Variants in ATP11A observed in about 807,000 individuals in gnomAD.
ATP11A encodes the protein phospholipid-transporting ATPase IH.
In ATP11A, 81 loss-of-function variants were observed where a neutral mutation model predicts 154.4. That is an observed-to-expected ratio of 0.52 (90% CI 0.44 to 0.63). ATP11A has a LOEUF of 0.63. ATP11A is among the 30% of genes least tolerant of loss of function. ATP11A has a pLI of 0.00. For synonymous variants in ATP11A, 623 were observed against 585.9 expected (o/e 1.06, Z -0.91); for missense variants, 1,316 against 1,474.3 (o/e 0.89, Z 1.76).
intron 6 of ATP11A, among the ~76,000 whole-genome samples, chr13:112,816,467 A>G (rs1264093603): frequency 6.6e-6 from 1 of 152,222 alleles, no homozygotes; most frequent in African/African-American, 2.4e-5. Flanking sequence ...ATATTTTTAT[A>G]GTGAAATTGT....
At chr13:112,848,269 C>A (rs7337058) in intron 17 of ATP11A, among the ~76,000 whole-genome samples, 45,739 of 152,000 alleles carry the variant, frequency 0.3, 7,121 homozygotes, top group East Asian at 0.37. Flanking sequence ...TATTTTTCAG[C>A]CTTGAGTCTT....
chr13:112,832,985 C>T lies in ATP11A; in HGVS notation c.1521C>T (p.Ser507=). 6.2e-7 allele frequency: 1 copy of T among 1,613,644 alleles called. No individual in the cohort carries two copies. Among genetic ancestry groups the T allele is most frequent in the South Asian group, 1.1e-5 (1 of 91,050 alleles). Residue 507 remains serine (S), a synonymous_variant, in exon 14 of 30, where the codon TCC becomes TCT. Transcript: ENST00000375645. Reference sequence around the variant, plus strand: ...GGAAATCCTGTGTGTACATCTCATCCTCGCCCGACGAGGTGGCGCTGGTCG... The same window carrying T: ...GGAAATCCTGTGTGTACATCTCATCTTCGCCCGACGAGGTGGCGCTGGTCG... The part of the protein sequence containing the change: ...DGGKSCVYIS[S]SPDEVALVEG...
chr13:112,692,618 A>G (rs1594299270), intron 1 of ATP11A, among the ~76,000 whole-genome samples: 1 of 152,136 alleles, frequency 6.6e-6, no homozygotes, highest in East Asian at 2.0e-4. Context: ...TCCAGCATAT[A>G]CATTATTGGA....
chr13:112,883,436 C>A lies in ATP11A; in HGVS notation c.*1570C>A, dbSNP rs1280159734. On this transcript the variant is annotated 3_prime_UTR_variant, in exon 30 of 30. Coordinates refer to ENST00000375645, the MANE Select transcript of ATP11A (RefSeq NM_015205.3). ...TGGAGGAGGAGCCGGCCCTCACGCCCGCCCCGCGCCACGCTGTGGAACGGG... is the reference window on the plus strand; with the variant it reads ...TGGAGGAGGAGCCGGCCCTCACGCCAGCCCCGCGCCACGCTGTGGAACGGG... The A allele has an allele frequency of 8.0e-6, 3 of 377,330 alleles. No homozygotes were observed. In the Middle Eastern group the frequency reaches 2.0e-3, roughly 246 times the overall value. The allele number at this position is 377,330 out of a possible 1,614,324, so 23.4% of individuals were successfully genotyped here.
At chr13:112,829,169 C>T (rs2079025663) in intron 12 of ATP11A, among the ~76,000 whole-genome samples, 1 of 152,186 alleles carries the variant, frequency 6.6e-6, no homozygotes, top group Non-Finnish European at 1.5e-5. Flanking sequence ...TGCTTCAGGC[C>T]AAGTTAGCAG....
chr13:112,815,740 G>A (rs9604457), intron 5 of ATP11A, among the ~76,000 whole-genome samples: 4,576 of 152,258 alleles, frequency 0.03, 207 homozygotes, highest in African/African-American at 0.1. Context: ...CGATTACCTG[G>A]TTCATAAAAC....
intron 2 of ATP11A, among the ~76,000 whole-genome samples, chr13:112,797,444 A>T (rs1041447732): frequency 2.0e-5 from 3 of 152,170 alleles, no homozygotes; most frequent in African/African-American, 7.2e-5. Context: ...AAAGCAGAAT[A>T]AATTTTTTAA....
chr13:112,878,446 C>T (rs184241587), intron 29 of ATP11A, 143 bp downstream of exon 29: 13 of 767,006 alleles, frequency 1.7e-5, no homozygotes, highest in East Asian at 1.6e-4. Flanking sequence ...CGGGAAGTCC[C>T]GCCACCACTT....
intron 1 of ATP11A, among the ~76,000 whole-genome samples, chr13:112,710,293 C>T (rs1306096549): frequency 6.6e-6 from 1 of 152,224 alleles, no homozygotes; most frequent in Non-Finnish European, 1.5e-5. Flanking sequence ...AAAGCCAGCT[C>T]ATGCCTCCTA....
rs1413604070 is a variant in ATP11A, at chr13:112,863,209, G to A, written c.2991+634G>A. On this transcript the variant is annotated intron_variant, in intron 25 of 29. Coordinates refer to ENST00000375645, the MANE Select transcript of ATP11A (RefSeq NM_015205.3). ...ACCACCTGCACAGTAATTCAGTGCAGCCCATGCAGCTTCCCAGCGGGGTCC... is the reference window on the plus strand; with the variant it reads ...ACCACCTGCACAGTAATTCAGTGCAACCCATGCAGCTTCCCAGCGGGGTCC... Among the ~76,000 whole-genome samples the A allele has an allele frequency of 2.0e-3, 288 of 142,180 alleles. 1 individual carries two copies. Among genetic ancestry groups the A allele is most frequent in the African/African-American group, 2.4e-3 (92 of 38,882 alleles). The allele number at this position is 142,180 out of a possible 152,430, so 93.3% of individuals were successfully genotyped here. A position where few individuals can be genotyped will look rare whatever the true frequency, so the allele number is the denominator to read the frequency against.
chr13:112,700,737 T>C (rs1404292536), intron 1 of ATP11A, among the ~76,000 whole-genome samples: 1 of 152,182 alleles, frequency 6.6e-6, no homozygotes, highest in Non-Finnish European at 1.5e-5. Flanking sequence ...CCACGGCCAC[T>C]CCAACATGCG....
At chr13:112,866,425 T>C (rs2080335256) in intron 25 of ATP11A, among the ~76,000 whole-genome samples, 1 of 151,874 alleles carries the variant, frequency 6.6e-6, no homozygotes, top group Admixed American at 6.6e-5. Flanking sequence ...TTTTCCGAAT[T>C]GACTGGATTC....
chr13:112,855,119 G>A lies in ATP11A; in HGVS notation c.2243+589G>A, dbSNP rs554162695. 2.3e-3 allele frequency among the ~76,000 whole-genome samples: 347 copies of A among 152,342 alleles called. 1 individual carries two copies. The highest frequency in any genetic ancestry group is 4.8e-3 in the Admixed American group (74 of 15,304). ...GCTCTCTAATTTACACAAATGTTAAGTTATTCATAAATAGCACAGATAATT... is the reference window on the plus strand; with the variant it reads ...GCTCTCTAATTTACACAAATGTTAAATTATTCATAAATAGCACAGATAATT... On this transcript the variant is annotated intron_variant, in intron 19 of 29. Transcript: ENST00000375645.
chr13:112,749,095 G>A (rs1433619818), intron 1 of ATP11A, among the ~76,000 whole-genome samples: 1 of 152,224 alleles, frequency 6.6e-6, no homozygotes, highest in African/African-American at 2.4e-5. Flanking sequence ...GGTGGCTGCA[G>A]CGTCCCCAGC....
At chr13:112,828,134 TTGAGTAG>T in intron 12 of ATP11A, among the ~76,000 whole-genome samples, 2 of 116,830 alleles carry the variant, frequency 1.7e-5, no homozygotes, top group African/African-American at 3.4e-5. Context: ...CCCAGCAGCG[TTGAGTAG>T]GGGGGAAAGC....
intron 1 of ATP11A, among the ~76,000 whole-genome samples, chr13:112,722,527 C>A (rs1419497129): frequency 6.6e-6 from 1 of 152,104 alleles, no homozygotes; most frequent in Admixed American, 6.6e-5. Context: ...AGCGTTTGTG[C>A]TGGTCAGCCT....
At chr13:112,722,597 A>C (rs1889326461) in intron 1 of ATP11A, among the ~76,000 whole-genome samples, 1 of 152,208 alleles carries the variant, frequency 6.6e-6, no homozygotes, top group South Asian at 2.1e-4. Context: ...TCAGGGCCGG[A>C]AGCAGGTTTT....
At chr13:112,769,193 T>C (rs1017396238) in intron 1 of ATP11A, among the ~76,000 whole-genome samples, 1 of 152,128 alleles carries the variant, frequency 6.6e-6, no homozygotes, top group Non-Finnish European at 1.5e-5. Context: ...GCCTTTCTCT[T>C]CTTGAGTCAG....
chr13:112,834,484 T>G, intron 14 of ATP11A, 105 bp from the exon 15 acceptor site: 1 of 742,936 alleles, frequency 1.3e-6, no homozygotes, highest in South Asian at 1.6e-5. Flanking sequence ...ACTGAAAGTA[T>G]TTCTTTTTTG....
Sources: gnomAD v4.1 joint callset for allele counts (sites outside exome capture counted in the v4.1 genomes callset) on GRCh38, gnomAD v4.1.1 for gene constraint, MANE v1.5 for transcripts, NCBI Gene and HGNC (gene_info 2026-07-23, HGNC 2026-07-21) for gene names.